The following SMAD4 variants were observed in gnomAD, a reference collection of about 807,000 sequenced individuals.
SMAD4 encodes SMAD family member 4.
SMAD4 carries 7 observed loss-of-function variants against 63.2 expected under a neutral mutation model. That is an observed-to-expected ratio of 0.11 (90% CI 0.06 to 0.21). The LOEUF is 0.21. Among genes scored for constraint, SMAD4 ranks in the 10% least tolerant of loss-of-function variants. The pLI, the probability that SMAD4 is intolerant of heterozygous loss-of-function variation, is 1.00. For missense variants in SMAD4, 312 were observed against 693.8 expected, an observed-to-expected ratio of 0.45 and a Z score of 6.18; for synonymous variants, 215 against 235.4, an observed-to-expected ratio of 0.91 and a Z score of 0.79.
At chr18:51,046,851 T>C (rs1303862088) in intron 1 of SMAD4, 69 bp from the exon 2 acceptor site, 3 of 553,462 alleles carry the variant, frequency 5.4e-6, no homozygotes, top group Non-Finnish European at 9.5e-6. Context: ...ATTTCATCTT[T>C]TCCCAAGTAG....
At chr18:51,066,895 A>T in intron 9 of SMAD4, 124 bp from the exon 10 acceptor site, 1 of 726,006 alleles carries the variant, frequency 1.4e-6, no homozygotes, top group South Asian at 1.6e-5. Context: ...GTTAATAGCT[A>T]TCTTTTGGTT....
At chr18:51,069,799 A>G (rs1910268835) in intron 10 of SMAD4, among the ~76,000 whole-genome samples, 1 of 152,178 alleles carries the variant, frequency 6.6e-6, no homozygotes, top group African/African-American at 2.4e-5. Context: ...GCAGGTGCCC[A>G]CTTGTAGCCC....
In SMAD4 at chr18:51,084,973, A is replaced by G. The variant is rs1016338530; in HGVS notation, c.*6506A>G. The stretch of plus-strand genomic sequence containing the variant: ...TGCCTGGTTAAAGTCTGTGGCTAAA[A>G]AATAGTCGAACCTTTCTTGAGAACT... On this transcript the variant is annotated 3_prime_UTR_variant, in exon 12 of 12. Transcript: ENST00000342988. 1 of 212,420 alleles carries G rather than the reference A, an allele frequency of 4.7e-6. No homozygotes were observed. Among genetic ancestry groups the G allele is most frequent in the Non-Finnish European group, 9.5e-6 (1 of 105,068 alleles). The allele number at this position is 212,420 out of a possible 1,614,324, so 13.2% of individuals were successfully genotyped here.
intron 1 of SMAD4, among the ~76,000 whole-genome samples, chr18:51,034,130 T>C (rs942199386): frequency 3.3e-5 from 5 of 152,160 alleles, no homozygotes; most frequent in Admixed American, 3.3e-4. Flanking sequence ...AACTTGTAAA[T>C]GTGTTGAATT....
intron 10 of SMAD4, among the ~76,000 whole-genome samples, chr18:51,070,772 C>A (rs552226136): frequency 1.1e-4 from 17 of 152,280 alleles, no homozygotes; most frequent in Admixed American, 6.5e-5. Context: ...ACCCATTAGT[C>A]ACTGAGTAGC....
At chr18:51,034,065 C>T (rs983947056) in intron 1 of SMAD4, among the ~76,000 whole-genome samples, 3 of 152,090 alleles carry the variant, frequency 2.0e-5, no homozygotes, top group Non-Finnish European at 2.9e-5. Flanking sequence ...CCGTTCAGCC[C>T]AAAGACTGTA....
intron 10 of SMAD4, among the ~76,000 whole-genome samples, chr18:51,073,388 T>TATATATATAAC (rs1417299090): frequency 3.3e-4 from 21 of 64,186 alleles, no homozygotes; most frequent in Non-Finnish European, 5.3e-4. Flanking sequence ...TATATATATA[T>TATATATATAAC]ACACACACAC....
intron 4 of SMAD4, chr18:51,053,925 A>C (rs940902440): frequency 2.0e-5 from 3 of 152,234 alleles, no homozygotes; most frequent in Non-Finnish European, 4.4e-5. Flanking sequence ...AAACCTTAAA[A>C]CAATAACCTA....
chr18:51,068,418 T>TA (rs908965897), intron 10 of SMAD4, among the ~76,000 whole-genome samples: 24 of 152,278 alleles, frequency 1.6e-4, no homozygotes, highest in African/African-American at 5.8e-4. Context: ...ACTCATAAAA[T>TA]ACTCCTGTGT....
Position 51,058,119 on chromosome 18 carries a change from C to G in SMAD4, c.668-6C>G, listed in dbSNP as rs748992694. 3.7e-6 allele frequency: 6 copies of G among 1,613,924 alleles called. No homozygotes were observed. The highest frequency in any genetic ancestry group is 5.1e-6 in the Non-Finnish European group (6 of 1,179,956). On this transcript the variant is annotated splice_polypyrimidine_tract_variant and splice_region_variant and intron_variant, in intron 5 of 11. Coordinates refer to ENST00000342988, the MANE Select transcript of SMAD4 (RefSeq NM_005359.6). The stretch of plus-strand genomic sequence containing the variant: ...GTACCATGTTAATGTCTTCTTGTTC[C>G]TCTAGGTCAGCCTGCCAGTATACTG...
At chr18:51,042,936 G>T (rs559569616) in intron 1 of SMAD4, among the ~76,000 whole-genome samples, 1 of 152,190 alleles carries the variant, frequency 6.6e-6, no homozygotes, top group Non-Finnish European at 1.5e-5. Flanking sequence ...TAACACGTTT[G>T]TCTTGGAAGG....
intron 4 of SMAD4, chr18:51,051,343 T>TC: frequency 2.2e-6 from 1 of 456,232 alleles, no homozygotes; most frequent in South Asian, 1.5e-5. Flanking sequence ...TTCAGTGTCT[T>TC]ATTTCCTCAG....
intron 2 of SMAD4, 57 bp from the exon 3 acceptor site, chr18:51,048,629 A>G: frequency 2.1e-6 from 3 of 1,437,634 alleles, no homozygotes; most frequent in African/African-American, 2.8e-5. Flanking sequence ...AAATCAGAAT[A>G]TATAAAAGTG....
At position 51,047,089 on chromosome 18, in the gene SMAD4, G is replaced by A. The variant is rs1909566748; in HGVS notation, c.43G>A (p.Ala15Thr). ...SITNTPTSND[A>T]CLSIVHSLMC... Reference sequence around the variant, plus strand: ...TACGAATACACCAACAAGTAATGATGCCTGTCTGAGCATTGTGCATAGTTT... The same window carrying A: ...TACGAATACACCAACAAGTAATGATACCTGTCTGAGCATTGTGCATAGTTT... Residue 15 changes from alanine to threonine, a missense_variant, in exon 2 of 12, where the codon GCC becomes ACC. Ala to Thr is a moderately conservative substitution (Grantham distance 58, BLOSUM62 0). Transcript: ENST00000342988. The A allele has an allele frequency of 1.9e-6, 3 of 1,613,566 alleles. No individual in the cohort carries two copies. The highest frequency in any genetic ancestry group is 2.5e-6 in the Non-Finnish European group (3 of 1,179,644).
rs142236156 is a variant in SMAD4 at position 51,079,050 on chromosome 18, G to C, written c.*583G>C. On this transcript the variant is annotated 3_prime_UTR_variant, in exon 12 of 12. Transcript: ENST00000342988. ...TTTGCAAGTTATATTAGTGAAGATG[G>C]TTTCAATTCAGATTGTCTTGCAACT... 4.3e-6 allele frequency: 1 copy of C among 233,166 alleles called. No homozygotes were observed. The highest frequency in any genetic ancestry group is 2.2e-5 in the African/African-American group (1 of 45,324). 14.4% of individuals were successfully genotyped at this position (233,166 alleles called of 1,614,324 possible).
chr18:51,038,251 TGGGG>T (rs374538576), intron 1 of SMAD4, among the ~76,000 whole-genome samples: 2 of 94,894 alleles, frequency 2.1e-5, no homozygotes, highest in Non-Finnish European at 4.0e-5. Flanking sequence ...AGCGAGACTG[TGGGG>T]GGGGGGGCAG....
intron 1 of SMAD4, among the ~76,000 whole-genome samples, chr18:51,031,730 T>C (rs1379741662): frequency 6.7e-6 from 1 of 149,264 alleles, no homozygotes; most frequent in Non-Finnish European, 1.5e-5. Flanking sequence ...CAAAAACCAT[T>C]TAGTATCAAA....
intron 1 of SMAD4, among the ~76,000 whole-genome samples, chr18:51,037,141 G>A (rs1909230908): frequency 6.6e-6 from 1 of 152,190 alleles, no homozygotes; most frequent in South Asian, 2.1e-4. Flanking sequence ...CTGAGATTGT[G>A]CCACTGCACT....
chr18:51,035,979 C>G (rs1909191991), intron 1 of SMAD4, among the ~76,000 whole-genome samples: 1 of 152,028 alleles, frequency 6.6e-6, no homozygotes, highest in South Asian at 2.1e-4. Flanking sequence ...TATGCTTATC[C>G]TTACTGCTTT....
Sources: gnomAD v4.1 joint callset for allele counts (sites outside exome capture counted in the v4.1 genomes callset) on GRCh38, gnomAD v4.1.1 for gene constraint, MANE v1.5 for transcripts, NCBI Gene and HGNC (gene_info 2026-07-23, HGNC 2026-07-21) for gene names.